Variants in CAMK4 observed in about 807,000 individuals in gnomAD.
CAMK4 encodes calcium/calmodulin dependent protein kinase IV, also known as calcium/calmodulin-dependent protein kinase type IV.
CAMK4 carries 22 observed loss-of-function variants against 44.9 expected under a neutral mutation model. The observed-to-expected ratio is 0.49, with a 90% CI of 0.35 to 0.70. The LOEUF is 0.70. Among genes scored for constraint, CAMK4 ranks in the 30% least tolerant of loss-of-function variants. The pLI, the probability that CAMK4 is intolerant of heterozygous loss-of-function variation, is 0.01. For missense variants in CAMK4, 498 were observed against 586.8 expected, an observed-to-expected ratio of 0.85 and a Z score of 1.56; for synonymous variants, 218 against 215.4, an observed-to-expected ratio of 1.01 and a Z score of -0.11.
At chr5:111,229,298 C>T (rs910682711) in intron 1 of CAMK4, among the ~76,000 whole-genome samples, 2 of 152,102 alleles carry the variant, frequency 1.3e-5, no homozygotes, top group East Asian at 1.9e-4. Flanking sequence ...CTCGCTGTGT[C>T]GTCACAAGGC....
intron 7 of CAMK4, among the ~76,000 whole-genome samples, chr5:111,463,808 A>G (rs142663253): frequency 2.6e-5 from 4 of 152,320 alleles, no homozygotes; most frequent in Non-Finnish European, 5.9e-5. Flanking sequence ...CACAGCATCA[A>G]GGGAGTATAG....
chr5:111,420,384 A>G (rs1580728846), intron 5 of CAMK4, among the ~76,000 whole-genome samples: 1 of 152,080 alleles, frequency 6.6e-6, no homozygotes, highest in East Asian at 1.9e-4. Context: ...GTCATCTGCA[A>G]ACAGGGACAA....
At chr5:111,475,576 C>A (rs1446445490) in intron 8 of CAMK4, among the ~76,000 whole-genome samples, 1 of 152,140 alleles carries the variant, frequency 6.6e-6, no homozygotes, top group Admixed American at 6.5e-5. Context: ...TTATATATTT[C>A]TTTTATCTTT....
chr5:111,272,805 C>T (rs1750572850), intron 1 of CAMK4, among the ~76,000 whole-genome samples: 1 of 152,252 alleles, frequency 6.6e-6, no homozygotes, highest in Admixed American at 6.5e-5. Context: ...TAATCCTTGT[C>T]TCTATACAGA....
chr5:111,224,558 C>G lies in CAMK4; in HGVS notation c.75C>G (p.Thr25=). 6.2e-7 allele frequency: 1 copy of G among 1,611,722 alleles called. No individual in the cohort carries two copies. Among genetic ancestry groups the G allele is most frequent in the Non-Finnish European group, 8.5e-7 (1 of 1,179,496 alleles). ...SSVTASAAPG[T]ASLVPDYWID... ...TCACCGCCAGTGCGGCCCCGGGGACCGCGAGCCTCGTCCCGGATTACTGGA... is the reference window on the plus strand; with the variant it reads ...TCACCGCCAGTGCGGCCCCGGGGACGGCGAGCCTCGTCCCGGATTACTGGA... The change falls in exon 1 of 11, where the codon ACC becomes ACG. Residue 25 remains threonine (T), a synonymous_variant. Transcript: ENST00000282356. The surrounding 1 kb of genome is among the most constrained non-coding windows in gnomAD (Gnocchi z 5.7).
chr5:111,423,827 C>A (rs74852163), intron 5 of CAMK4, among the ~76,000 whole-genome samples: 3 of 152,142 alleles, frequency 2.0e-5, no homozygotes, highest in Admixed American at 6.5e-5. Context: ...CCAGACAACA[C>A]TCCCATGACT....
intron 1 of CAMK4, among the ~76,000 whole-genome samples, chr5:111,249,666 A>G (rs554854708): frequency 3.4e-4 from 48 of 140,732 alleles, no homozygotes; most frequent in East Asian, 1.9e-3. Flanking sequence ...GTGTATATAT[A>G]TGTGTGTGTG....
intron 1 of CAMK4, among the ~76,000 whole-genome samples, chr5:111,275,554 TAGA>T (rs1286252526): frequency 2.0e-4 from 31 of 152,236 alleles, no homozygotes; most frequent in Admixed American, 4.6e-4. Flanking sequence ...CTGACAGTAA[TAGA>T]CTTAGAATCC....
At chr5:111,398,702 G>A (rs1366208882) in intron 5 of CAMK4, among the ~76,000 whole-genome samples, 1 of 152,126 alleles carries the variant, frequency 6.6e-6, no homozygotes, top group Non-Finnish European at 1.5e-5. Context: ...GCTGTTTTCA[G>A]TAGGTGTATA....
chr5:111,423,123 C>T (rs1353616891), intron 5 of CAMK4, among the ~76,000 whole-genome samples: 1 of 152,098 alleles, frequency 6.6e-6, no homozygotes, highest in East Asian at 1.9e-4. Context: ...TAGAACTGGC[C>T]TTATATCCAT....
At chr5:111,357,261 G>A (rs757486370) in intron 2 of CAMK4, among the ~76,000 whole-genome samples, 4 of 152,044 alleles carry the variant, frequency 2.6e-5, no homozygotes, top group East Asian at 1.9e-4. Flanking sequence ...AGTGGTAAAT[G>A]CCTTGTTACC....
chr5:111,322,871 A>G (rs187716055), intron 1 of CAMK4, among the ~76,000 whole-genome samples: 18 of 152,264 alleles, frequency 1.2e-4, no homozygotes, highest in Admixed American at 1.1e-3. Flanking sequence ...TGAAATTTAA[A>G]ATGAATAAGC....
intron 7 of CAMK4, chr5:111,449,829 T>C (rs1754165612): frequency 6.6e-6 from 1 of 152,260 alleles, no homozygotes; most frequent in African/African-American, 2.4e-5. Context: ...GCTCTGTTTT[T>C]CTTGATGGTC....
chr5:111,394,877 C>A, intron 5 of CAMK4, 95 bp downstream of exon 5: 2 of 772,072 alleles, frequency 2.6e-6, no homozygotes, highest in Non-Finnish European at 4.5e-6. Context: ...ATAAGCCATA[C>A]ATTTTACAGC....
rs532411304 is a variant in CAMK4 at position 111,367,297 on chromosome 5, C to A, written c.241-7553C>A. Among the ~76,000 whole-genome samples the A allele has an allele frequency of 1.1e-4, 17 of 151,742 alleles. No homozygotes were observed. The South Asian group carries it at 3.1e-3, about 28-fold the overall frequency. ...CGTATCCTTTCATCAAGAGCCACTC[C>A]CATCATAACTATCTCACTCCCAGGA... On this transcript the variant is annotated intron_variant, in intron 2 of 10. Coordinates refer to ENST00000282356, the MANE Select transcript of CAMK4 (RefSeq NM_001744.6).
intron 1 of CAMK4, among the ~76,000 whole-genome samples, chr5:111,249,666 A>ATATATATGTGTG (rs1242789662): frequency 8.5e-5 from 12 of 140,686 alleles, no homozygotes; most frequent in African/African-American, 3.2e-4. Flanking sequence ...GTGTATATAT[A>ATATATATGTGTG]TGTGTGTGTG....
chr5:111,478,351 C>G (rs765723374), intron 8 of CAMK4, 30 bp from the exon 9 acceptor site: 1 of 1,406,696 alleles, frequency 7.1e-7, no homozygotes, highest in South Asian at 1.3e-5. Flanking sequence ...CTTTTAAAGA[C>G]ATTTTATTCT....
chr5:111,483,566 G>C (rs1043218229), intron 10 of CAMK4, among the ~76,000 whole-genome samples: 8 of 152,010 alleles, frequency 5.3e-5, no homozygotes, highest in Admixed American at 1.3e-4. Flanking sequence ...AATCTGAAAG[G>C]CTCCATGGTC....
At chr5:111,439,818 G>T (rs1043104575) in intron 5 of CAMK4, among the ~76,000 whole-genome samples, 1 of 152,152 alleles carries the variant, frequency 6.6e-6, no homozygotes, top group Non-Finnish European at 1.5e-5. Flanking sequence ...TGAAAGAACA[G>T]AGGAGTCAGG....
Sources: gnomAD v4.1 joint callset for allele counts (sites outside exome capture counted in the v4.1 genomes callset) on GRCh38, gnomAD v4.1.1 for gene constraint, Gnocchi (gnomAD v3.1) non-coding constraint, MANE v1.5 for transcripts, NCBI Gene and HGNC (gene_info 2026-07-23, HGNC 2026-07-21) for gene names.